The following LINGO1 variants were observed in gnomAD, a reference collection of about 807,000 sequenced individuals.
LINGO1 encodes the protein leucine-rich repeat and immunoglobulin-like domain-containing nogo receptor-interacting protein 1.
LINGO1 carries 11 observed loss-of-function variants against 37.3 expected under a neutral mutation model. The observed-to-expected ratio is 0.29, with a 90% CI of 0.19 to 0.49. LINGO1 has a LOEUF of 0.49. Ranked by LOEUF, LINGO1 falls within the 20% of genes least tolerant of loss-of-function variation. The probability of loss-of-function intolerance (pLI) is 0.99; values close to 1 mark genes in which losing one functional copy is unlikely to be tolerated. For synonymous variants in LINGO1, 387 were observed against 403.0 expected (o/e 0.96, Z 0.48); for missense variants, 585 against 878.2 (o/e 0.67, Z 4.22).
At chr15:77,650,373 C>T (rs1415602179) in intron 3 of LINGO1, among the ~76,000 whole-genome samples, 1 of 152,156 alleles carries the variant, frequency 6.6e-6, no homozygotes, top group African/African-American at 2.4e-5. Flanking sequence ...AAATGGCTCC[C>T]AGGTGGGACA....
At chr15:77,665,068 G>C (rs2075101126) in intron 3 of LINGO1, among the ~76,000 whole-genome samples, 1 of 152,204 alleles carries the variant, frequency 6.6e-6, no homozygotes, top group Admixed American at 6.5e-5. Context: ...GCACATGTGG[G>C]CAGGGACGCC....
intron 1 of LINGO1, among the ~76,000 whole-genome samples, chr15:77,783,815 A>G (rs2141431285): frequency 6.6e-6 from 1 of 152,336 alleles, no homozygotes; most frequent in African/African-American, 2.4e-5. Context: ...CGCCTGACTC[A>G]GGAGCCAGTG....
intron 1 of LINGO1, among the ~76,000 whole-genome samples, chr15:77,753,454 C>G (rs2076390492): frequency 6.6e-6 from 1 of 152,204 alleles, no homozygotes; most frequent in South Asian, 2.1e-4. Context: ...AGGCGCTGTT[C>G]ATGGTGCTGA....
chr15:77,677,355 C>A (rs2075345366), intron 2 of LINGO1, among the ~76,000 whole-genome samples: 1 of 152,068 alleles, frequency 6.6e-6, no homozygotes, highest in Non-Finnish European at 1.5e-5. Flanking sequence ...CTTCCCAGCA[C>A]CCTGGAGTGG....
intron 3 of LINGO1, among the ~76,000 whole-genome samples, chr15:77,665,253 G>A (rs1443039261): frequency 6.6e-6 from 1 of 152,182 alleles, no homozygotes; most frequent in Non-Finnish European, 1.5e-5. Flanking sequence ...CAGCCTTCTG[G>A]TGGGCTCTGT....
At chr15:77,652,109 C>T (rs561950157) in intron 3 of LINGO1, 9 of 152,284 alleles carry the variant, frequency 5.9e-5, no homozygotes, top group African/African-American at 1.9e-4. Flanking sequence ...ACGAATAGAC[C>T]GCAGAGTTAA....
rs753608804 is a variant in LINGO1 at position 77,756,481 on chromosome 15, GACAGACACAC to G, written c.-256-21438_-256-21429del. Among the ~76,000 whole-genome samples the G allele has an allele frequency of 8.0e-3, 1,027 of 128,232 alleles. 1 individual carries two copies. Among genetic ancestry groups the G allele is most frequent in the Admixed American group, 0.013 (153 of 11,372 alleles). The allele number at this position is 128,232 out of a possible 152,430, so 84.1% of individuals were successfully genotyped here. On this transcript the variant is annotated intron_variant, in intron 1 of 3. Coordinates refer to the LINGO1 transcript ENST00000561686. The stretch of plus-strand genomic sequence containing the variant: ...ATACACTGACATACAATGACAGACA[GACAGACACAC>G]ACACACACACACACACACACACACA...
intron 1 of LINGO1, among the ~76,000 whole-genome samples, chr15:77,756,559 C>T (rs891109799): frequency 6.6e-6 from 1 of 151,992 alleles, no homozygotes; most frequent in African/African-American, 2.4e-5. Flanking sequence ...CACATACATA[C>T]CATCAAGGGA....
chr15:77,793,347 G>C (rs2076832942), intron 2 of LINGO1, among the ~76,000 whole-genome samples: 1 of 152,200 alleles, frequency 6.6e-6, no homozygotes, highest in African/African-American at 2.4e-5. Context: ...AGCACCGAGG[G>C]AGGGAGCAAC....
chr15:77,741,578 C>A (rs1019793371), intron 1 of LINGO1, among the ~76,000 whole-genome samples: 2 of 152,186 alleles, frequency 1.3e-5, no homozygotes, highest in South Asian at 4.1e-4. Context: ...AGGGGCAGGC[C>A]GCAGGCCCCA....
intron 1 of LINGO1, among the ~76,000 whole-genome samples, chr15:77,623,456 A>G (rs1329839252): frequency 6.6e-6 from 1 of 152,222 alleles, no homozygotes; most frequent in Non-Finnish European, 1.5e-5. Flanking sequence ...TGATAATGGC[A>G]TAAGGTAGGA....
At chr15:77,655,868 C>T (rs977125637) in intron 3 of LINGO1, among the ~76,000 whole-genome samples, 3 of 152,220 alleles carry the variant, frequency 2.0e-5, no homozygotes, top group African/African-American at 7.2e-5. Flanking sequence ...CCTTCTCCTC[C>T]CCATTGCTTG....
At chr15:77,670,989 G>A (rs1039839342) in intron 3 of LINGO1, among the ~76,000 whole-genome samples, 4 of 152,146 alleles carry the variant, frequency 2.6e-5, no homozygotes, top group East Asian at 1.9e-4. Flanking sequence ...CATAGGGCCC[G>A]CTTCCTGGAA....
At chr15:77,686,345 T>C (rs1344059624) in intron 2 of LINGO1, among the ~76,000 whole-genome samples, 5 of 152,168 alleles carry the variant, frequency 3.3e-5, no homozygotes, top group African/African-American at 1.2e-4. Context: ...CAGGCTATGT[T>C]CACTCAGGCG....
chr15:77,722,722 A>G (rs1374409842), intron 2 of LINGO1, among the ~76,000 whole-genome samples: 2 of 152,220 alleles, frequency 1.3e-5, no homozygotes, highest in East Asian at 3.8e-4. Flanking sequence ...AAATTATACA[A>G]CATCAAAATA....
rs992044050 is a variant in LINGO1 at position 77,719,502 on chromosome 15, G to C, written c.-195+15490C>G. Reference sequence around the variant, plus strand: ...GTCAGGCTGGCATGGACATGAGGACGGGGAGGTCACGGGAGACACACGGGG... The same window carrying C: ...GTCAGGCTGGCATGGACATGAGGACCGGGAGGTCACGGGAGACACACGGGG... On this transcript the variant is annotated intron_variant, in intron 2 of 3. Transcript: ENST00000561686. Among the ~76,000 whole-genome samples, 3 of 149,754 alleles carry C rather than the reference G, an allele frequency of 2.0e-5. 1 individual carries two copies. Among genetic ancestry groups the C allele is most frequent in the Non-Finnish European group, 4.5e-5 (3 of 67,382 alleles).
chr15:77,690,113 G>T (rs2075577874), intron 2 of LINGO1, among the ~76,000 whole-genome samples: 1 of 152,164 alleles, frequency 6.6e-6, no homozygotes, highest in Admixed American at 6.6e-5. Context: ...TTGGGGAGGG[G>T]TCTCCTTTCT....
chr15:77,751,842 G>T (rs1004482042), intron 1 of LINGO1, among the ~76,000 whole-genome samples: 3 of 152,162 alleles, frequency 2.0e-5, no homozygotes, highest in Non-Finnish European at 4.4e-5. Context: ...AACAAGGCCC[G>T]AGCCAACAGC....
intron 1 of LINGO1, among the ~76,000 whole-genome samples, chr15:77,772,220 C>A (rs761724198): frequency 1.1e-4 from 16 of 152,228 alleles, no homozygotes; most frequent in Non-Finnish European, 2.2e-4. Flanking sequence ...TGAGAATGAC[C>A]TGGGTGGATG....
Sources: allele counts gnomAD v4.1 joint callset (sites outside exome capture counted in the v4.1 genomes callset), GRCh38; gene constraint gnomAD v4.1.1; transcripts MANE v1.5; gene names NCBI Gene and HGNC (gene_info 2026-07-23, HGNC 2026-07-21).